PDE9A: variants seen among roughly 807,000 people sequenced by gnomAD.
PDE9A encodes the protein high affinity cGMP-specific 3',5'-cyclic phosphodiesterase 9A.
PDE9A carries 60 observed loss-of-function variants against 87.4 expected under a neutral mutation model. The observed-to-expected ratio is 0.69, with a 90% CI of 0.56 to 0.85. The LOEUF is 0.85. Ranked by LOEUF, PDE9A falls within the 40% of genes least tolerant of loss-of-function variation. PDE9A has a pLI of 0.00. For missense variants in PDE9A, 665 were observed against 779.0 expected (o/e 0.85, Z 1.74); for synonymous variants, 272 against 279.4 (o/e 0.97, Z 0.27).
chr21:42,669,806 G>C (rs553387966), intron 1 of PDE9A, among the ~76,000 whole-genome samples: 1 of 152,240 alleles, frequency 6.6e-6, no homozygotes, highest in Non-Finnish European at 1.5e-5. Context: ...TGCTCAGCAC[G>C]GAATGAAGAG....
intron 4 of PDE9A, among the ~76,000 whole-genome samples, chr21:42,727,475 C>T (rs2051247011): frequency 6.7e-6 from 1 of 149,876 alleles, no homozygotes; most frequent in Non-Finnish European, 1.5e-5. Flanking sequence ...AGGCACATGC[C>T]ACCACGCCTG....
chr21:42,656,376 CT>C (rs778399895), intron 1 of PDE9A, among the ~76,000 whole-genome samples: 19 of 152,224 alleles, frequency 1.2e-4, no homozygotes, highest in Non-Finnish European at 2.1e-4. Flanking sequence ...CAGTTTCCCC[CT>C]GAGACCGCAG....
rs919153498 is a variant in PDE9A, at chr21:42,770,651, C to A, written c.1591-52C>A. On this transcript the variant is annotated intron_variant, in intron 17 of 19. Coordinates refer to ENST00000291539, the MANE Select transcript of PDE9A (RefSeq NM_002606.3). Reference sequence around the variant, plus strand: ...TGACACCTGTTTTTCTCCGACGTTTCCCATTGCCTTAAGAACGAGGGACTC... The same window carrying A: ...TGACACCTGTTTTTCTCCGACGTTTACCATTGCCTTAAGAACGAGGGACTC... 4.9e-6 allele frequency: 7 copies of A among 1,420,434 alleles called. No homozygotes were observed. The African/African-American group carries it at 9.8e-5, about 20-fold the overall frequency. 88.0% of individuals were successfully genotyped at this position (1,420,434 alleles called of 1,614,324 possible).
intron 4 of PDE9A, among the ~76,000 whole-genome samples, chr21:42,703,269 G>A (rs1039725260): frequency 7.2e-5 from 11 of 152,208 alleles, no homozygotes; most frequent in African/African-American, 2.4e-4. Flanking sequence ...GCGGCCTCTC[G>A]GCTGTCGGCT....
chr21:42,758,792 T>G, intron 10 of PDE9A: 2 of 531,692 alleles, frequency 3.8e-6, no homozygotes. Flanking sequence ...CCCACCCATC[T>G]GAGTGGCCTG....
At chr21:42,721,745 C>T (rs1332030068) in intron 4 of PDE9A, among the ~76,000 whole-genome samples, 2 of 152,072 alleles carry the variant, frequency 1.3e-5, no homozygotes, top group Admixed American at 6.6e-5. Flanking sequence ...CCCCACCCCT[C>T]GCTGACAGGG....
At chr21:42,758,642 A>G (rs534855723) in intron 10 of PDE9A, 1 of 232,654 alleles carries the variant, frequency 4.3e-6, no homozygotes, top group Non-Finnish European at 8.6e-6. Context: ...AAATCAATAA[A>G]TTCCTTTTTG....
At chr21:42,674,549 G>A (rs1300468566) in intron 1 of PDE9A, among the ~76,000 whole-genome samples, 2 of 152,028 alleles carry the variant, frequency 1.3e-5, no homozygotes, top group African/African-American at 4.8e-5. Context: ...CCGCCTACGC[G>A]CCTGTAGCCA....
At chr21:42,673,014 T>C (rs973653112) in intron 1 of PDE9A, among the ~76,000 whole-genome samples, 1 of 152,234 alleles carries the variant, frequency 6.6e-6, no homozygotes, top group Non-Finnish European at 1.5e-5. Flanking sequence ...GGAGGATCCA[T>C]GAGTTTCAAG....
intron 7 of PDE9A, chr21:42,741,745 T>A (rs2053296829): frequency 6.6e-6 from 1 of 151,982 alleles, no homozygotes; most frequent in Admixed American, 6.6e-5. Context: ...TAGTCTGCCC[T>A]GGGCCACTGT....
chr21:42,730,594 AAT>A (rs2051623826), intron 4 of PDE9A, among the ~76,000 whole-genome samples: 2 of 152,226 alleles, frequency 1.3e-5, no homozygotes, highest in Non-Finnish European at 2.9e-5. Context: ...ATACTCTCCC[AAT>A]ATGTTTTCAA....
intron 7 of PDE9A, among the ~76,000 whole-genome samples, chr21:42,735,678 G>C (rs2052325327): frequency 6.6e-6 from 1 of 152,162 alleles, no homozygotes; most frequent in Non-Finnish European, 1.5e-5. Context: ...TCTCAGCTAG[G>C]TCTTATAAAG....
At chr21:42,753,286 A>C (rs934668137) in intron 9 of PDE9A, among the ~76,000 whole-genome samples, 11 of 152,208 alleles carry the variant, frequency 7.2e-5, no homozygotes, top group Middle Eastern at 3.2e-3. Flanking sequence ...GATTACAAGC[A>C]TGAGCCACCA....
chr21:42,670,417 CACGCACTTA>C (rs2058440201), intron 1 of PDE9A, among the ~76,000 whole-genome samples: 1 of 71,242 alleles, frequency 1.4e-5, no homozygotes, highest in African/African-American at 2.0e-4. Context: ...CATACATTCA[CACGCACTTA>C]CAGTCACACA....
chr21:42,703,460 G>A (rs1320812786), intron 4 of PDE9A, among the ~76,000 whole-genome samples: 3 of 152,248 alleles, frequency 2.0e-5, no homozygotes, highest in East Asian at 3.8e-4. Flanking sequence ...GCAGGAAGAG[G>A]CAAAGGCTGG....
chr21:42,667,431 TG>T (rs2058083047), intron 1 of PDE9A, among the ~76,000 whole-genome samples: 2 of 152,174 alleles, frequency 1.3e-5, no homozygotes, highest in African/African-American at 4.8e-5. Flanking sequence ...GAATTCTATT[TG>T]GCAGGTGGCA....
Position 42,761,192 on chromosome 21 carries a change from G to A in PDE9A, c.1085+285G>A, listed in dbSNP as rs766355697. Among the ~76,000 whole-genome samples the A allele has an allele frequency of 3.9e-5, 6 of 152,260 alleles. 1 individual carries two copies. The South Asian group carries it at 6.2e-4, about 16-fold the overall frequency. ...AGGTGCACGGCAGATCCCTGGCCCC[G>A]CCGGCGCCTTCTCCACCCCAGGCAG... is the stretch of plus-strand genomic sequence containing the variant. On this transcript the variant is annotated intron_variant, in intron 13 of 19. Transcript: ENST00000291539.
chr21:42,757,130 G>A (rs1222601599), intron 10 of PDE9A: 1 of 152,352 alleles, frequency 6.6e-6, no homozygotes, highest in African/African-American at 2.4e-5. Context: ...CAGTGGCCTG[G>A]GAGCCAGCCC....
At chr21:42,740,696 GGTAGGTA>G (rs1422883804) in intron 7 of PDE9A, among the ~76,000 whole-genome samples, 1 of 140,712 alleles carries the variant, frequency 7.1e-6, no homozygotes, top group African/African-American at 2.7e-5. Flanking sequence ...ACAGTAGGTA[GGTAGGTA>G]GTAGATAGAT....
Sources: gnomAD v4.1 joint callset for allele counts (sites outside exome capture counted in the v4.1 genomes callset) on GRCh38, gnomAD v4.1.1 for gene constraint, MANE v1.5 for transcripts, NCBI Gene and HGNC (gene_info 2026-07-23, HGNC 2026-07-21) for gene names.